The following EXOC6B variants were observed in gnomAD, a reference collection of about 807,000 sequenced individuals.
The protein encoded by EXOC6B is exocyst complex component 6B.
In EXOC6B, 54 loss-of-function variants were observed where a neutral mutation model predicts 113.5. The ratio of observed to expected loss-of-function variants is 0.48; its 90% confidence interval spans 0.38 to 0.60. The LOEUF (loss-of-function observed/expected upper bound fraction) is 0.60. Among genes scored for constraint, EXOC6B ranks in the 20% least tolerant of loss-of-function variants. The probability of loss-of-function intolerance (pLI) is 0.00; values close to 1 mark genes in which losing one functional copy is unlikely to be tolerated. For synonymous variants in EXOC6B, 357 were observed against 339.0 expected (o/e 1.05, Z -0.58); for missense variants, 797 against 977.5 (o/e 0.82, Z 2.46).
At chr2:72,500,605 G>C (rs1394671432) in intron 11 of EXOC6B, among the ~76,000 whole-genome samples, 1 of 33,190 alleles carries the variant, frequency 3.0e-5, no homozygotes, top group Admixed American at 9.4e-4. Context: ...TAAAAAACAT[G>C]AGAAATACAA....
chr2:72,427,704 G>A (rs1166932718), intron 18 of EXOC6B, among the ~76,000 whole-genome samples: 1 of 152,188 alleles, frequency 6.6e-6, no homozygotes, highest in Non-Finnish European at 1.5e-5. Context: ...GCAGCAGGGG[G>A]CAGACGGGCA....
intron 19 of EXOC6B, among the ~76,000 whole-genome samples, chr2:72,367,764 T>G (rs759541556): frequency 4.6e-5 from 7 of 152,110 alleles, no homozygotes; most frequent in Non-Finnish European, 8.8e-5. Flanking sequence ...GACTTTACAT[T>G]GAACTCAGTG....
At chr2:72,255,365 G>C (rs1459622057) in intron 20 of EXOC6B, among the ~76,000 whole-genome samples, 1 of 152,208 alleles carries the variant, frequency 6.6e-6, no homozygotes, top group Admixed American at 6.5e-5. Context: ...AAGCTACTTA[G>C]CTGCAAATAT....
chr2:72,733,167 A>G lies in EXOC6B; in HGVS notation c.280-49T>C, dbSNP rs758083050. On this transcript the variant is annotated intron_variant, in intron 2 of 21. Coordinates refer to ENST00000272427, the MANE Select transcript of EXOC6B (RefSeq NM_015189.3). ...CTCATAAAAAACAAACATTTAGACA[A>G]TAGTTGAAAAAGATCTAAATTTAAT... The G allele has an allele frequency of 3.0e-6, 4 of 1,321,276 alleles. No individual in the cohort carries two copies. The Admixed American group carries it at 6.0e-5, about 20-fold the overall frequency. 81.8% of individuals were successfully genotyped at this position (1,321,276 alleles called of 1,614,324 possible).
chr2:72,404,826 T>G (rs1243989786), intron 18 of EXOC6B, among the ~76,000 whole-genome samples: 1 of 152,000 alleles, frequency 6.6e-6, no homozygotes, highest in Non-Finnish European at 1.5e-5. Context: ...GCAACGCAGC[T>G]CCTCACCAGC....
chr2:72,707,756 G>A (rs1005906560), intron 6 of EXOC6B, among the ~76,000 whole-genome samples: 1 of 152,070 alleles, frequency 6.6e-6, no homozygotes, highest in Non-Finnish European at 1.5e-5. Context: ...TTAGGACAAT[G>A]TGTTTCTGCC....
intron 1 of EXOC6B, among the ~76,000 whole-genome samples, chr2:72,798,881 GATA>G (rs1477984974): frequency 6.6e-6 from 1 of 151,994 alleles, no homozygotes; most frequent in Admixed American, 6.6e-5. Context: ...GGTAATATGA[GATA>G]ATAACAATAA....
chr2:72,525,213 C>T lies in EXOC6B; in HGVS notation c.916-10087G>A, dbSNP rs377477231. On this transcript the variant is annotated intron_variant, in intron 8 of 21. Transcript: ENST00000272427. ...AAACATTATGATTAACAATCTTGGC[C>T]TTTGTAATTAGCTTCCCCTTTCCAA... 3.9e-5 allele frequency among the ~76,000 whole-genome samples: 6 copies of T among 152,282 alleles called. No individual in the cohort carries two copies. The East Asian group carries it at 1.2e-3, about 29-fold the overall frequency.
intron 6 of EXOC6B, among the ~76,000 whole-genome samples, chr2:72,671,421 A>C (rs1675785428): frequency 6.6e-6 from 1 of 152,202 alleles, no homozygotes; most frequent in African/African-American, 2.4e-5. Context: ...CTGGCTGGGC[A>C]CTGTGGCTCA....
At chr2:72,421,625 T>G (rs554127787) in intron 18 of EXOC6B, among the ~76,000 whole-genome samples, 5 of 152,342 alleles carry the variant, frequency 3.3e-5, no homozygotes, top group Non-Finnish European at 7.3e-5. Flanking sequence ...TTCATAAATG[T>G]TCTAATATTT....
chr2:72,751,434 T>C (rs750846599), intron 1 of EXOC6B, among the ~76,000 whole-genome samples: 10 of 152,118 alleles, frequency 6.6e-5, no homozygotes, highest in Admixed American at 1.3e-4. Context: ...GGTTTTATCA[T>C]GCAGATGAAG....
At chr2:72,815,919 G>A (rs931138855) in intron 1 of EXOC6B, among the ~76,000 whole-genome samples, 6 of 152,224 alleles carry the variant, frequency 3.9e-5, no homozygotes, top group South Asian at 4.1e-4. Context: ...AGTACTTTGG[G>A]AGGCCAAGGC....
At chr2:72,642,934 C>T (rs1219330283) in intron 6 of EXOC6B, among the ~76,000 whole-genome samples, 2 of 148,248 alleles carry the variant, frequency 1.3e-5, no homozygotes, top group African/African-American at 2.5e-5. Flanking sequence ...AACAAACAAC[C>T]CCATCAAAAA....
At position 72,718,316 on chromosome 2, in the gene EXOC6B, G is replaced by C. The variant is rs1267852714; in HGVS notation, c.465-9C>G. The C allele has an allele frequency of 2.5e-6, 4 of 1,612,572 alleles. No homozygotes were observed. The highest frequency in any genetic ancestry group is 1.1e-5 in the South Asian group (1 of 90,924). ...TCAGTGCAGGATAATGCCTACAAAAGGAATTGATCACCTTTAGCTCACTCA... is the reference window on the plus strand; with the variant it reads ...TCAGTGCAGGATAATGCCTACAAAACGAATTGATCACCTTTAGCTCACTCA... On this transcript the variant is annotated splice_polypyrimidine_tract_variant and intron_variant, in intron 5 of 21. Transcript: ENST00000272427.
At chr2:72,422,770 G>C (rs1694974781) in intron 18 of EXOC6B, among the ~76,000 whole-genome samples, 1 of 152,214 alleles carries the variant, frequency 6.6e-6, no homozygotes, top group Non-Finnish European at 1.5e-5. Context: ...GTATCTAGCT[G>C]CTATGGTGGG....
At chr2:72,657,345 G>C (rs1674661495) in intron 6 of EXOC6B, among the ~76,000 whole-genome samples, 1 of 149,876 alleles carries the variant, frequency 6.7e-6, no homozygotes, top group Non-Finnish European at 1.5e-5. Context: ...CTTGCCTCAG[G>C]CTCCCTAATA....
At chr2:72,308,295 C>A (rs926785135) in intron 20 of EXOC6B, among the ~76,000 whole-genome samples, 9 of 152,160 alleles carry the variant, frequency 5.9e-5, no homozygotes, top group African/African-American at 2.2e-4. Context: ...TATCTTTAAA[C>A]ATCTCAGCTC....
intron 20 of EXOC6B, among the ~76,000 whole-genome samples, chr2:72,314,241 A>C (rs1385219784): frequency 6.6e-6 from 1 of 152,150 alleles, no homozygotes; most frequent in Non-Finnish European, 1.5e-5. Flanking sequence ...GGGTTGTCAC[A>C]ATCGCCTGGT....
chr2:72,681,686 A>C (rs75075795), intron 6 of EXOC6B, among the ~76,000 whole-genome samples: 1 of 152,142 alleles, frequency 6.6e-6, no homozygotes, highest in Non-Finnish European at 1.5e-5. Flanking sequence ...CAAGTATATA[A>C]AATATTAGCT....
Sources: allele counts gnomAD v4.1 joint callset (sites outside exome capture counted in the v4.1 genomes callset), GRCh38; gene constraint gnomAD v4.1.1; transcripts MANE v1.5; gene names NCBI Gene and HGNC (gene_info 2026-07-23, HGNC 2026-07-21).